Variants in HS3ST4 observed in about 807,000 individuals in gnomAD.
HS3ST4 encodes heparan sulfate glucosamine 3-O-sulfotransferase 4.
HS3ST4 carries 17 observed loss-of-function variants against 29.2 expected under a neutral mutation model. The observed-to-expected ratio is 0.58, with a 90% CI of 0.40 to 0.87. HS3ST4 has a LOEUF of 0.87. Ranked by LOEUF, HS3ST4 falls within the 40% of genes least tolerant of loss-of-function variation. The pLI, the probability that HS3ST4 is intolerant of heterozygous loss-of-function variation, is 0.00. For missense variants in HS3ST4, 627 were observed against 634.5 expected, an observed-to-expected ratio of 0.99 and a Z score of 0.13; for synonymous variants, 314 against 285.7, an observed-to-expected ratio of 1.10 and a Z score of -1.00.
In HS3ST4 at chr16:25,852,391, C is replaced by A. The variant is rs142534246; in HGVS notation, c.734+159240C>A. Among the ~76,000 whole-genome samples, 72 of 152,248 alleles carry A rather than the reference C, an allele frequency of 4.7e-4. 1 individual carries two copies. Among genetic ancestry groups the A allele is most frequent in the African/African-American group, 1.6e-3 (66 of 41,544 alleles). On this transcript the variant is annotated intron_variant, in intron 1 of 1. Transcript: ENST00000331351. ...CGTGTGCCATGGTGGTTTGCTGTAT[C>A]TGTTAACCCATCACCTAGGTATTAA...
intron 1 of HS3ST4, among the ~76,000 whole-genome samples, chr16:25,962,336 A>G (rs1013681211): frequency 2.0e-5 from 3 of 152,226 alleles, no homozygotes; most frequent in Non-Finnish European, 4.4e-5. Flanking sequence ...AGAAAAAAGA[A>G]AGAATATAAA....
At chr16:25,717,837 G>A (rs1282268283) in intron 1 of HS3ST4, among the ~76,000 whole-genome samples, 1 of 152,116 alleles carries the variant, frequency 6.6e-6, no homozygotes, top group Non-Finnish European at 1.5e-5. Flanking sequence ...TGCTATGTGG[G>A]CAATGGATAG....
chr16:26,066,755 C>A (rs1386774005), intron 1 of HS3ST4, among the ~76,000 whole-genome samples: 1 of 152,230 alleles, frequency 6.6e-6, no homozygotes, highest in Non-Finnish European at 1.5e-5. Context: ...CCACAGAATT[C>A]CACACGATTT....
At chr16:26,057,512 T>C (rs1049082969) in intron 1 of HS3ST4, among the ~76,000 whole-genome samples, 11 of 152,118 alleles carry the variant, frequency 7.2e-5, no homozygotes, top group Non-Finnish European at 1.5e-4. Context: ...CTCAGCGCTG[T>C]GGGAGGCTGA....
intron 1 of HS3ST4, among the ~76,000 whole-genome samples, chr16:25,986,969 G>A (rs1474466305): frequency 1.8e-4 from 28 of 152,212 alleles, no homozygotes; most frequent in Admixed American, 1.8e-3. Flanking sequence ...TTGTTAATCG[G>A]TCTGGTTAAA....
chr16:25,980,797 C>T (rs1046069573), intron 1 of HS3ST4, among the ~76,000 whole-genome samples: 9 of 152,126 alleles, frequency 5.9e-5, no homozygotes, highest in Non-Finnish European at 7.3e-5. Flanking sequence ...AAGCACACCA[C>T]GCCACTCAGG....
chr16:25,860,390 C>T (rs991987563), intron 1 of HS3ST4, among the ~76,000 whole-genome samples: 1 of 152,176 alleles, frequency 6.6e-6, no homozygotes, highest in Non-Finnish European at 1.5e-5. Context: ...CTTATGTCCA[C>T]ACAAAAACCT....
intron 1 of HS3ST4, among the ~76,000 whole-genome samples, chr16:26,014,052 A>T (rs962923564): frequency 2.7e-5 from 4 of 150,260 alleles, no homozygotes; most frequent in African/African-American, 9.9e-5. Context: ...AACAAAAATT[A>T]AAAAATTTTA....
intron 1 of HS3ST4, among the ~76,000 whole-genome samples, chr16:25,702,619 C>T (rs559725825): frequency 6.6e-6 from 1 of 152,202 alleles, no homozygotes; most frequent in Non-Finnish European, 1.5e-5. Context: ...AAATTGAGAT[C>T]AGATGTGTTT....
chr16:26,097,367 A>G (rs1376341368), intron 1 of HS3ST4, among the ~76,000 whole-genome samples: 2 of 152,250 alleles, frequency 1.3e-5, no homozygotes, highest in African/African-American at 4.8e-5. Context: ...ACAGCATGGT[A>G]CTGGTACCAA....
At chr16:26,011,318 G>A (rs1243973762) in intron 1 of HS3ST4, among the ~76,000 whole-genome samples, 3 of 152,144 alleles carry the variant, frequency 2.0e-5, no homozygotes, top group South Asian at 2.1e-4. Context: ...CCAGCACTTC[G>A]GGTGGCCAAG....
At chr16:25,951,005 C>T (rs1196029291) in intron 1 of HS3ST4, among the ~76,000 whole-genome samples, 2 of 152,138 alleles carry the variant, frequency 1.3e-5, no homozygotes, top group Non-Finnish European at 2.9e-5. Flanking sequence ...ATGTAGACTC[C>T]CAGCTGTTTT....
At chr16:26,118,143 G>T (rs999591189) in intron 1 of HS3ST4, among the ~76,000 whole-genome samples, 2 of 152,122 alleles carry the variant, frequency 1.3e-5, no homozygotes, top group African/African-American at 4.8e-5. Flanking sequence ...ATGGGTCACC[G>T]CAGCCTCCAA....
At chr16:26,087,960 C>T (rs1898809673) in intron 1 of HS3ST4, among the ~76,000 whole-genome samples, 1 of 152,166 alleles carries the variant, frequency 6.6e-6, no homozygotes, top group Non-Finnish European at 1.5e-5. Flanking sequence ...GATTTAAAAA[C>T]AAAATAGTTT....
At chr16:26,076,379 G>T (rs1159319560) in intron 1 of HS3ST4, among the ~76,000 whole-genome samples, 1 of 152,198 alleles carries the variant, frequency 6.6e-6, no homozygotes, top group South Asian at 2.1e-4. Flanking sequence ...CATTCAGGTA[G>T]GCTGAGGTAT....
intron 1 of HS3ST4, among the ~76,000 whole-genome samples, chr16:25,942,294 G>A (rs759281412): frequency 3.3e-4 from 50 of 152,152 alleles, no homozygotes; most frequent in African/African-American, 1.1e-3. Flanking sequence ...CAATCTGGCC[G>A]ATAGAATTCT....
At chr16:25,975,624 G>A (rs1220126533) in intron 1 of HS3ST4, among the ~76,000 whole-genome samples, 1 of 152,112 alleles carries the variant, frequency 6.6e-6, no homozygotes, top group African/African-American at 2.4e-5. Context: ...ACTGGTCTGA[G>A]CCAGCATCAT....
chr16:25,989,957 G>A (rs942200196), intron 1 of HS3ST4, among the ~76,000 whole-genome samples: 1 of 152,130 alleles, frequency 6.6e-6, no homozygotes, highest in Non-Finnish European at 1.5e-5. Flanking sequence ...TGACAAATAT[G>A]TAATGATATA....
intron 1 of HS3ST4, among the ~76,000 whole-genome samples, chr16:26,003,178 A>G (rs1367720021): frequency 2.0e-5 from 3 of 152,210 alleles, no homozygotes; most frequent in Admixed American, 2.0e-4. Flanking sequence ...ATTATATAAC[A>G]TAATGTTTCA....
Sources: allele counts gnomAD v4.1 joint callset (sites outside exome capture counted in the v4.1 genomes callset), GRCh38; gene constraint gnomAD v4.1.1; transcripts MANE v1.5; gene names NCBI Gene and HGNC (gene_info 2026-07-23, HGNC 2026-07-21).